WDR72: variants seen among roughly 807,000 people sequenced by gnomAD.
The protein encoded by WDR72 is WD repeat domain 72, also known as WD repeat-containing protein 72.
In WDR72, 120 loss-of-function variants were observed where a neutral mutation model predicts 124.2. The observed-to-expected ratio is 0.97, with a 90% CI of 0.83 to 1.12. The LOEUF (loss-of-function observed/expected upper bound fraction) is 1.12, where lower values mean the gene tolerates loss of function less well. Among genes scored for constraint, WDR72 ranks in the 50% most tolerant of loss-of-function variants. WDR72 has a pLI of 0.00. For missense variants in WDR72, 1,387 were observed against 1,278.8 expected (o/e 1.08, Z -1.29); for synonymous variants, 452 against 441.7 (o/e 1.02, Z -0.29).
chr15:53,739,465 AG>A (rs1172728937), intron 1 of WDR72, among the ~76,000 whole-genome samples: 1 of 152,198 alleles, frequency 6.6e-6, no homozygotes, highest in Non-Finnish European at 1.5e-5. Context: ...CTATAAGAAG[AG>A]GGGGAAGTAG....
At chr15:53,655,445 C>G (rs972493418) in intron 14 of WDR72, among the ~76,000 whole-genome samples, 1 of 152,022 alleles carries the variant, frequency 6.6e-6, no homozygotes, top group Non-Finnish European at 1.5e-5. Context: ...AAATAATTTT[C>G]TCATTTGAGC....
At chr15:53,593,294 G>GATCATTTAGATCAAACTGAT (rs2140333686) in intron 18 of WDR72, among the ~76,000 whole-genome samples, 2 of 152,148 alleles carry the variant, frequency 1.3e-5, no homozygotes, top group Non-Finnish European at 2.9e-5. Flanking sequence ...CTGATTTAGG[G>GATCATTTAGATCAAACTGAT]CAAATTTCTT....
At chr15:53,737,307 G>C (rs1292289841) in intron 1 of WDR72, among the ~76,000 whole-genome samples, 1 of 151,936 alleles carries the variant, frequency 6.6e-6, no homozygotes. Flanking sequence ...GCCAAACCAT[G>C]GACAATTTGA....
intron 2 of WDR72, among the ~76,000 whole-genome samples, chr15:53,728,992 C>T (rs508739): frequency 0.062 from 9,391 of 152,174 alleles, 994 homozygotes; most frequent in African/African-American, 0.21. Context: ...TACTTGGGCA[C>T]TCTGAGACGT....
intron 18 of WDR72, among the ~76,000 whole-genome samples, chr15:53,559,501 G>C (rs1212254084): frequency 6.6e-6 from 1 of 151,956 alleles, no homozygotes. Flanking sequence ...AACCTGATCT[G>C]AAAGAACCAC....
chr15:53,561,867 G>T (rs1369833025), intron 18 of WDR72, among the ~76,000 whole-genome samples: 1 of 151,770 alleles, frequency 6.6e-6, no homozygotes, highest in Non-Finnish European at 1.5e-5. Context: ...ATTCAAGTGT[G>T]CATCCAGAGA....
At chr15:53,517,806 A>G (rs1566936982) in intron 19 of WDR72, 52 bp from the exon 20 acceptor site, 1 of 1,580,784 alleles carries the variant, frequency 6.3e-7, no homozygotes, top group African/African-American at 1.3e-5. Flanking sequence ...AAAAAGAGAA[A>G]AAAGAGAAAG....
chr15:53,711,230 T>C lies in WDR72; in HGVS notation c.857+106A>G. ...ATCTTCTAGTGCCAAAGTTGTTTTG[T>C]TCTGGTTTTTGATCATGGGCAGCAT... is the stretch of plus-strand genomic sequence containing the variant. On this transcript the variant is annotated intron_variant, in intron 8 of 19. Coordinates refer to ENST00000360509, the MANE Select transcript of WDR72 (RefSeq NM_182758.4). The C allele has an allele frequency of 3.2e-6, 5 of 1,545,442 alleles. 2 individuals carry two copies. The South Asian group carries it at 5.6e-5, about 17-fold the overall frequency.
intron 17 of WDR72, 101 bp from the exon 18 acceptor site, chr15:53,597,375 TC>T: frequency 8.6e-7 from 1 of 1,160,658 alleles, no homozygotes; most frequent in Non-Finnish European, 1.2e-6. Context: ...TGAATAGGTT[TC>T]CATAAACGAT....
chr15:53,564,882 G>A (rs767214248), intron 18 of WDR72, among the ~76,000 whole-genome samples: 1 of 151,804 alleles, frequency 6.6e-6, no homozygotes, highest in Non-Finnish European at 1.5e-5. Context: ...AAATGAAAAT[G>A]CTGGGGCCAA....
intron 1 of WDR72, among the ~76,000 whole-genome samples, chr15:53,741,746 T>G (rs199521446): frequency 6.8e-6 from 1 of 147,098 alleles, no homozygotes; most frequent in South Asian, 2.2e-4. Flanking sequence ...TTTTTTTTTT[T>G]GGATTAAGAG....
chr15:53,632,289 G>A (rs554516588), intron 14 of WDR72, among the ~76,000 whole-genome samples: 37 of 152,182 alleles, frequency 2.4e-4, no homozygotes, highest in South Asian at 1.0e-3. Flanking sequence ...GCTTCAGAGC[G>A]TGCAAGTGGT....
chr15:53,721,368 T>C (rs146139919), intron 3 of WDR72, among the ~76,000 whole-genome samples: 3 of 152,210 alleles, frequency 2.0e-5, no homozygotes, highest in African/African-American at 7.2e-5. Flanking sequence ...TTAGCTATTA[T>C]GTATTTCTCA....
chr15:53,641,397 A>G (rs1260423671), intron 14 of WDR72, among the ~76,000 whole-genome samples: 1 of 151,946 alleles, frequency 6.6e-6, no homozygotes, highest in Non-Finnish European at 1.5e-5. Context: ...ATGTAGACAG[A>G]GAGATAATAT....
At chr15:53,529,164 A>ATATTTTTTTTTTTTTT (rs59003623) in intron 18 of WDR72, among the ~76,000 whole-genome samples, 2 of 78,166 alleles carry the variant, frequency 2.6e-5, no homozygotes, top group African/African-American at 1.0e-4. Flanking sequence ...ATATATATAT[A>ATATTTTTTTTTTTTTT]TTTTTTTTTT....
At chr15:53,724,333 A>G (rs566464380) in intron 2 of WDR72, among the ~76,000 whole-genome samples, 1 of 146,554 alleles carries the variant, frequency 6.8e-6, no homozygotes, top group South Asian at 2.1e-4. Context: ...GTGAGGTGAT[A>G]GATGTGTTAA....
In WDR72 at chr15:53,540,518, T is replaced by TA. The variant is rs1204565409; in HGVS notation, c.3149-17197dup. Among the ~76,000 whole-genome samples the TA allele has an allele frequency of 5.0e-5, 5 of 100,580 alleles. No individual in the cohort carries two copies. In the East Asian group the frequency reaches 1.5e-3, roughly 30 times the overall value. 66.0% of individuals were successfully genotyped at this position (100,580 alleles called of 152,430 possible). Reference sequence around the variant, plus strand: ...AAATTCAATACAAAACTGTAGAACTTAAAAAAATTGTAATAATGAAGACAT... The same window carrying TA: ...AAATTCAATACAAAACTGTAGAACTTAAAAAAAATTGTAATAATGAAGACAT... On this transcript the variant is annotated intron_variant, in intron 18 of 19. Transcript: ENST00000360509.
intron 2 of WDR72, among the ~76,000 whole-genome samples, chr15:53,728,719 G>A (rs1018848609): frequency 2.6e-5 from 4 of 152,142 alleles, no homozygotes; most frequent in Non-Finnish European, 4.4e-5. Context: ...AAGAAAACAA[G>A]CAATCAATGC....
chr15:53,705,814 A>G (rs57319234), intron 10 of WDR72, 113 bp downstream of exon 10: 16,684 of 1,266,570 alleles, frequency 0.013, 455 homozygotes, highest in African/African-American at 0.088. Context: ...ACGTAGTAGT[A>G]CACAATAAAT....
Sources: allele counts gnomAD v4.1 joint callset (sites outside exome capture counted in the v4.1 genomes callset), GRCh38; gene constraint gnomAD v4.1.1; transcripts MANE v1.5; gene names NCBI Gene and HGNC (gene_info 2026-07-23, HGNC 2026-07-21).